Variants in MMP26 observed in about 807,000 individuals in gnomAD.
MMP26 encodes the protein matrix metallopeptidase 26.
MMP26 carries 33 observed loss-of-function variants against 31.0 expected under a neutral mutation model. That is an observed-to-expected ratio of 1.06 (90% CI 0.81 to 1.42). The LOEUF (loss-of-function observed/expected upper bound fraction) is 1.42. Among genes scored for constraint, MMP26 ranks in the 40% most tolerant of loss-of-function variants. MMP26 has a pLI of 0.00. For missense variants in MMP26, 347 were observed against 316.1 expected, an observed-to-expected ratio of 1.10 and a Z score of -0.74; for synonymous variants, 122 against 114.9, an observed-to-expected ratio of 1.06 and a Z score of -0.40.
chr11:4,828,097 C>T (rs980619627), intron 2 of MMP26, among the ~76,000 whole-genome samples: 1 of 152,066 alleles, frequency 6.6e-6, no homozygotes, highest in African/African-American at 2.4e-5. Context: ...TTTGGTAATA[C>T]TCTAGTTAAA....
intron 2 of MMP26, among the ~76,000 whole-genome samples, chr11:4,791,348 G>A (rs1355140750): frequency 6.6e-6 from 1 of 152,110 alleles, no homozygotes; most frequent in Non-Finnish European, 1.5e-5. Context: ...CCAAGTCGGA[G>A]ACCAATTTTT....
intron 2 of MMP26, among the ~76,000 whole-genome samples, chr11:4,790,094 C>A (rs1383862685): frequency 6.6e-6 from 1 of 152,054 alleles, no homozygotes; most frequent in Non-Finnish European, 1.5e-5. Context: ...GTAATCCCAG[C>A]ACTTTGGGAG....
At chr11:4,892,992 C>G (rs980665254) in intron 2 of MMP26, among the ~76,000 whole-genome samples, 1 of 151,986 alleles carries the variant, frequency 6.6e-6, no homozygotes, top group Non-Finnish European at 1.5e-5. Context: ...TTTAACCATC[C>G]GGCTTTGGAA....
chr11:4,849,072 GA>G (rs1258411568), intron 2 of MMP26: 1 of 1,614,090 alleles, frequency 6.2e-7, no homozygotes, highest in African/African-American at 1.3e-5. Flanking sequence ...TCCCAGTGCA[GA>G]GAGAAGGTAG....
At chr11:4,911,406 G>A (rs1251290998) in intron 2 of MMP26, among the ~76,000 whole-genome samples, 1 of 152,160 alleles carries the variant, frequency 6.6e-6, no homozygotes, top group African/African-American at 2.4e-5. Flanking sequence ...TGGGAAATGT[G>A]TCTTGTTCAT....
chr11:4,847,622 G>A (rs1272500374), intron 2 of MMP26: 2 of 152,002 alleles, frequency 1.3e-5, no homozygotes, highest in Non-Finnish European at 2.9e-5. Flanking sequence ...ATATACATAT[G>A]TATTCAAAAA....
At chr11:4,844,876 A>G (rs537187670) in intron 2 of MMP26, among the ~76,000 whole-genome samples, 1 of 152,284 alleles carries the variant, frequency 6.6e-6, no homozygotes, top group African/African-American at 2.4e-5. Context: ...CACCACTATT[A>G]TTCAACACAG....
At chr11:4,772,114 C>T (rs1196074169) in intron 2 of MMP26, among the ~76,000 whole-genome samples, 1 of 152,010 alleles carries the variant, frequency 6.6e-6, no homozygotes, top group African/African-American at 2.4e-5. Context: ...CAGCCAAAGA[C>T]AGAGCAAAAA....
At chr11:4,966,185 C>T (rs1846592085) in intron 2 of MMP26, among the ~76,000 whole-genome samples, 1 of 152,040 alleles carries the variant, frequency 6.6e-6, no homozygotes, top group South Asian at 2.1e-4. Context: ...CTACAGTGTG[C>T]TCTTACAATA....
At chr11:4,720,683 G>A (rs1328397993) in intron 1 of MMP26, among the ~76,000 whole-genome samples, 1 of 152,172 alleles carries the variant, frequency 6.6e-6, no homozygotes, top group Non-Finnish European at 1.5e-5. Context: ...TCCCCCAAGA[G>A]CTTATATTCT....
At chr11:4,906,882 G>C (rs1290755169) in intron 2 of MMP26, among the ~76,000 whole-genome samples, 1 of 152,046 alleles carries the variant, frequency 6.6e-6, no homozygotes, top group African/African-American at 2.4e-5. Context: ...CCTGTGTCAG[G>C]AGTTCAAGAC....
At chr11:4,848,388 G>C in intron 2 of MMP26, 1 of 1,613,998 alleles carries the variant, frequency 6.2e-7, no homozygotes, top group African/African-American at 1.3e-5. Flanking sequence ...CTGAGTGATT[G>C]GCAGCTCAGG....
chr11:4,837,473 A>C (rs2133485647), intron 2 of MMP26, among the ~76,000 whole-genome samples: 1 of 152,296 alleles, frequency 6.6e-6, no homozygotes. Flanking sequence ...CAGCTTTCTG[A>C]AGTGTTGGGA....
intron 2 of MMP26, among the ~76,000 whole-genome samples, chr11:4,866,557 A>G (rs1188928342): frequency 1.3e-5 from 2 of 152,156 alleles, no homozygotes; most frequent in African/African-American, 4.8e-5. Flanking sequence ...TAGTATTGGC[A>G]TTCTTCACAG....
chr11:4,973,518 C>T (rs570200834), intron 2 of MMP26: 29 of 152,400 alleles, frequency 1.9e-4, no homozygotes, highest in African/African-American at 7.0e-4. Flanking sequence ...ATAAAGCGAT[C>T]AAAGGACATT....
intron 2 of MMP26, among the ~76,000 whole-genome samples, chr11:4,814,726 G>C (rs1187760174): frequency 2.0e-5 from 3 of 152,078 alleles, no homozygotes; most frequent in Non-Finnish European, 4.4e-5. Flanking sequence ...TAGCCAGCAA[G>C]GAGAGCTAGT....
intron 2 of MMP26, among the ~76,000 whole-genome samples, chr11:4,819,396 G>A (rs751746845): frequency 3.3e-5 from 5 of 151,884 alleles, no homozygotes; most frequent in African/African-American, 1.2e-4. Context: ...GTACCCGGGA[G>A]AGGGGGGAAA....
chr11:4,968,482 T>G (rs1169457860), intron 2 of MMP26, among the ~76,000 whole-genome samples: 1 of 150,400 alleles, frequency 6.6e-6, no homozygotes, highest in African/African-American at 2.4e-5. Flanking sequence ...TTTTCAAAAA[T>G]AAAAAAAAAG....
chr11:4,818,173 A>G (rs1418841945), intron 2 of MMP26, among the ~76,000 whole-genome samples: 1 of 151,900 alleles, frequency 6.6e-6, no homozygotes, highest in South Asian at 2.1e-4. Flanking sequence ...TCTGGGCTAG[A>G]TAAGTTTGAA....
Sources: allele counts gnomAD v4.1 joint callset (sites outside exome capture counted in the v4.1 genomes callset), GRCh38; gene constraint gnomAD v4.1.1; transcripts MANE v1.5; gene names NCBI Gene and HGNC (gene_info 2026-07-23, HGNC 2026-07-21).